The following PDE10A variants were observed in gnomAD, a reference collection of about 807,000 sequenced individuals.
PDE10A encodes cAMP and cAMP-inhibited cGMP 3',5'-cyclic phosphodiesterase 10A.
A neutral mutation model predicts 97.7 loss-of-function variants in PDE10A; 39 were observed. The observed-to-expected ratio is 0.40, with a 90% CI of 0.31 to 0.52. The LOEUF (loss-of-function observed/expected upper bound fraction) is 0.52. Ranked by LOEUF, PDE10A falls within the 20% of genes least tolerant of loss-of-function variation. The pLI is 0.56. For missense variants in PDE10A, 731 were observed against 1,047.8 expected (o/e 0.70, Z 4.17); for synonymous variants, 371 against 376.8 (o/e 0.98, Z 0.18).
At chr6:165,633,330 T>C (rs9767702) in intron 1 of PDE10A, among the ~76,000 whole-genome samples, 13,354 of 152,210 alleles carry the variant, frequency 0.088, 869 homozygotes, top group African/African-American at 0.19. Flanking sequence ...ATTCAGTTCA[T>C]GTCCCTGAAA....
chr6:165,916,251 G>A (rs1432761872), intron 1 of PDE10A, among the ~76,000 whole-genome samples: 1 of 152,208 alleles, frequency 6.6e-6, no homozygotes, highest in Non-Finnish European at 1.5e-5. Context: ...GTACCAAAAG[G>A]TAAAATGTCT....
At chr6:165,534,926 C>T (rs1782988469) in intron 2 of PDE10A, among the ~76,000 whole-genome samples, 1 of 151,914 alleles carries the variant, frequency 6.6e-6, no homozygotes, top group South Asian at 2.1e-4. Flanking sequence ...CAATATAGTA[C>T]TGGAAGTCCC....
At chr6:165,656,258 TCACACACACACACACACACACA>T (rs3083000) in intron 1 of PDE10A, among the ~76,000 whole-genome samples, 4,543 of 129,922 alleles carry the variant, frequency 0.035, 266 homozygotes, top group East Asian at 0.27. Flanking sequence ...TCTCTCTCTC[TCACACACACACACACACACACA>T]CACACACACA....
At chr6:165,414,572 T>A (rs543067656) in intron 12 of PDE10A, among the ~76,000 whole-genome samples, 1 of 152,348 alleles carries the variant, frequency 6.6e-6, no homozygotes, top group African/African-American at 2.4e-5. Flanking sequence ...TCCCAGTTAA[T>A]GGACAATATT....
chr6:165,804,521 G>A (rs1402252363), intron 1 of PDE10A, among the ~76,000 whole-genome samples: 1 of 152,098 alleles, frequency 6.6e-6, no homozygotes, highest in East Asian at 1.9e-4. Context: ...AATGTTTGGC[G>A]CGAACCACAG....
intron 1 of PDE10A, among the ~76,000 whole-genome samples, chr6:165,596,600 C>T (rs1468168459): frequency 6.6e-6 from 1 of 152,112 alleles, no homozygotes; most frequent in African/African-American, 2.4e-5. Flanking sequence ...TGTGGTGGCA[C>T]ACACCTGTAG....
At chr6:165,938,548 C>A (rs1783412200) in intron 1 of PDE10A, among the ~76,000 whole-genome samples, 1 of 152,122 alleles carries the variant, frequency 6.6e-6, no homozygotes, top group African/African-American at 2.4e-5. Context: ...GACAACGGGG[C>A]CCTTATCCTT....
At chr6:165,450,444 T>A in intron 3 of PDE10A, 82 bp from the exon 4 acceptor site, 1 of 616,204 alleles carries the variant, frequency 1.6e-6, no homozygotes, top group Non-Finnish European at 2.6e-6. Context: ...GACATACTAT[T>A]AATATATGTG....
At chr6:165,746,215 G>C (rs1297394999) in intron 1 of PDE10A, among the ~76,000 whole-genome samples, 2 of 152,132 alleles carry the variant, frequency 1.3e-5, no homozygotes, top group Admixed American at 1.3e-4. Context: ...GATATAAATA[G>C]CACCAAAAAA....
chr6:165,470,368 T>TTA (rs1252552387), intron 3 of PDE10A, among the ~76,000 whole-genome samples: 2 of 152,234 alleles, frequency 1.3e-5, no homozygotes, highest in Admixed American at 6.5e-5. Context: ...CTGAACCACA[T>TTA]TATAATATTA....
At chr6:165,890,358 G>T (rs1414884140) in intron 1 of PDE10A, among the ~76,000 whole-genome samples, 1 of 152,108 alleles carries the variant, frequency 6.6e-6, no homozygotes, top group Non-Finnish European at 1.5e-5. Context: ...TTTTAAGATG[G>T]AAAGTGTTAG....
At chr6:165,811,987 G>A (rs894458871) in intron 1 of PDE10A, among the ~76,000 whole-genome samples, 1 of 151,974 alleles carries the variant, frequency 6.6e-6, no homozygotes, top group Admixed American at 6.6e-5. Context: ...CGAGTAGCTG[G>A]GATTACAGGC....
intron 10 of PDE10A, among the ~76,000 whole-genome samples, chr6:165,427,912 C>G (rs1441692367): frequency 6.6e-6 from 1 of 151,928 alleles, no homozygotes; most frequent in Non-Finnish European, 1.5e-5. Context: ...AAGTTAATAA[C>G]CTATGTTATT....
chr6:165,367,644 T>C (rs573723352), intron 18 of PDE10A, among the ~76,000 whole-genome samples: 1 of 129,026 alleles, frequency 7.8e-6, no homozygotes, highest in South Asian at 2.4e-4. Flanking sequence ...ACTGCTGACT[T>C]TTCCCCTCAG....
chr6:165,399,879 T>C (rs924562691), intron 13 of PDE10A, among the ~76,000 whole-genome samples: 1 of 152,238 alleles, frequency 6.6e-6, no homozygotes, highest in East Asian at 1.9e-4. Context: ...AGTGCCGCAA[T>C]AAACATACAT....
At chr6:165,827,252 C>G (rs1484430075) in intron 1 of PDE10A, among the ~76,000 whole-genome samples, 1 of 152,216 alleles carries the variant, frequency 6.6e-6, no homozygotes, top group East Asian at 1.9e-4. Flanking sequence ...GCCCTGACGT[C>G]CCTCCAGACC....
At chr6:165,531,010 T>C (rs1782744363) in intron 2 of PDE10A, among the ~76,000 whole-genome samples, 1 of 152,142 alleles carries the variant, frequency 6.6e-6, no homozygotes, top group Non-Finnish European at 1.5e-5. Flanking sequence ...TGACCACTTC[T>C]CCATCCTCCT....
At chr6:165,951,367 C>T (rs2128495077) in intron 1 of PDE10A, among the ~76,000 whole-genome samples, 1 of 152,224 alleles carries the variant, frequency 6.6e-6, no homozygotes, top group Non-Finnish European at 1.5e-5. Context: ...CTCTGTCAAG[C>T]TTTGTTCTGC....
chr6:165,777,349 G>C (rs1025190355), intron 1 of PDE10A, among the ~76,000 whole-genome samples: 4 of 152,236 alleles, frequency 2.6e-5, no homozygotes, highest in Non-Finnish European at 5.9e-5. Flanking sequence ...GCGCTCTGAG[G>C]GGCGAGGTGA....
Sources: gnomAD v4.1 joint callset for allele counts (sites outside exome capture counted in the v4.1 genomes callset) on GRCh38, gnomAD v4.1.1 for gene constraint, MANE v1.5 for transcripts, NCBI Gene and HGNC (gene_info 2026-07-23, HGNC 2026-07-21) for gene names.